The following LRP5 variants were observed in gnomAD, a reference collection of about 807,000 sequenced individuals.
LRP5 encodes low-density lipoprotein receptor-related protein 5.
Under a neutral mutation model 154.1 loss-of-function variants are expected in LRP5, and 62 were observed. The ratio of observed to expected loss-of-function variants is 0.40; its 90% CI spans 0.33 to 0.50. The LOEUF (loss-of-function observed/expected upper bound fraction) is 0.50. LRP5 is among the 20% of genes least tolerant of loss of function. The probability of loss-of-function intolerance (pLI) is 0.55; values close to 1 mark genes in which losing one functional copy is unlikely to be tolerated. For synonymous variants in LRP5, 966 were observed against 1,011.5 expected, an observed-to-expected ratio of 0.96 and a Z score of 0.85; for missense variants, 1,915 against 2,336.7, an observed-to-expected ratio of 0.82 and a Z score of 3.72.
chr11:68,389,849 C>A, intron 6 of LRP5, 32 bp from the exon 7 acceptor site: 4 of 1,613,670 alleles, frequency 2.5e-6, no homozygotes, highest in Non-Finnish European at 3.4e-6. Flanking sequence ...CAGACAGACT[C>A]ATGGGGTCAT....
In LRP5 at chr11:68,406,714, C is replaced by G; in HGVS notation, c.1992C>G (p.Asn664Lys). Reference protein sequence around the residue: ...AIHRISLETNNNDVAIPLTGV... With the variant: ...AIHRISLETNKNDVAIPLTGV... Reference sequence around the variant, plus strand: ...ACAGGATCTCCCTCGAGACCAATAACAACGACGTGGCCATCCCGCTCACGG... The same window carrying G: ...ACAGGATCTCCCTCGAGACCAATAAGAACGACGTGGCCATCCCGCTCACGG... The change falls in exon 9 of 23, where the codon AAC (asparagine) becomes AAG (lysine). Residue 664 changes from asparagine to lysine, a missense_variant. Transcript: ENST00000294304. 2 of 1,614,108 alleles carry G rather than the reference C, an allele frequency of 1.2e-6. No homozygotes were observed. Among genetic ancestry groups the G allele is most frequent in the South Asian group, 1.1e-5 (1 of 91,072 alleles).
At chr11:68,430,111 T>G (rs960361012) in intron 17 of LRP5, among the ~76,000 whole-genome samples, 3 of 152,194 alleles carry the variant, frequency 2.0e-5, no homozygotes, top group African/African-American at 7.2e-5. Context: ...TTCTGTTATT[T>G]TAAATGTGTT....
the LRP5 span, among the ~76,000 whole-genome samples, chr11:68,303,237 T>A: frequency 6.6e-6 from 1 of 152,150 alleles, no homozygotes; most frequent in African/African-American, 2.4e-5. Flanking sequence ...GTTCAAGTGA[T>A]CCTCTTGCCT....
In LRP5 at chr11:68,347,861, C is replaced by T. The variant is rs2098614494; in HGVS notation, c.106C>T (p.Leu36=). The change falls in exon 2 of 23, where the codon CTA becomes TTA. Residue 36 remains leucine (L), a synonymous_variant. Coordinates refer to ENST00000294304, the MANE Select transcript of LRP5 (RefSeq NM_002335.4). The part of the protein sequence containing the change: ...PAPAAASPLL[L]FANRRDVRLV... Reference sequence around the variant, plus strand: ...CTGCCCCACAGCCTCGCCGCTCCTGCTATTTGCCAACCGCCGGGACGTACG... The same window carrying T: ...CTGCCCCACAGCCTCGCCGCTCCTGTTATTTGCCAACCGCCGGGACGTACG... 3 of 1,613,442 alleles carry T rather than the reference C, an allele frequency of 1.9e-6. No individual in the cohort carries two copies. In the African/African-American group the frequency reaches 4.0e-5, roughly 22 times the overall value.
intron 22 of LRP5, chr11:68,446,831 CGGGGGCTT>C: frequency 2.4e-6 from 1 of 418,914 alleles, no homozygotes; most frequent in Non-Finnish European, 4.5e-6. Flanking sequence ...GTCGAGGGGC[CGGGGGCTT>C]GGGCTCCAGA....
chr11:68,356,045 C>A (rs889449606), intron 2 of LRP5, among the ~76,000 whole-genome samples: 2 of 150,706 alleles, frequency 1.3e-5, no homozygotes, highest in Non-Finnish European at 3.0e-5. Context: ...GGGGTTTCAC[C>A]GTGTTAGCCA....
intron 17 of LRP5, among the ~76,000 whole-genome samples, chr11:68,430,747 C>A (rs1415464858): frequency 6.6e-6 from 1 of 152,108 alleles, no homozygotes; most frequent in Non-Finnish European, 1.5e-5. Context: ...CTCCTTCTAC[C>A]CTTGATCCTC....
At chr11:68,425,465 C>A (rs1565103128) in intron 15 of LRP5, among the ~76,000 whole-genome samples, 173 bp downstream of exon 15, 1 of 152,206 alleles carries the variant, frequency 6.6e-6, no homozygotes, top group Non-Finnish European at 1.5e-5. Context: ...TCTGAGTGAG[C>A]CCCACAGGGC....
chr11:68,396,097 C>T (rs1264011327), intron 7 of LRP5, among the ~76,000 whole-genome samples: 2 of 152,040 alleles, frequency 1.3e-5, no homozygotes, highest in South Asian at 2.1e-4. Flanking sequence ...GTGGCTGCTG[C>T]TGGGGTTGTG....
chr11:68,376,789 C>T (rs1374502801), intron 5 of LRP5, among the ~76,000 whole-genome samples: 3 of 152,214 alleles, frequency 2.0e-5, no homozygotes, highest in Admixed American at 6.5e-5. Context: ...AGAATTAGGC[C>T]GCCTGCCTAA....
At chr11:68,375,555 G>C (rs558880837) in intron 5 of LRP5, among the ~76,000 whole-genome samples, 1 of 151,560 alleles carries the variant, frequency 6.6e-6, no homozygotes, top group African/African-American at 2.4e-5. Flanking sequence ...TCCTCCGCCC[G>C]TGCGCAGCCC....
At chr11:68,392,527 T>C (rs1319414199) in intron 7 of LRP5, among the ~76,000 whole-genome samples, 1 of 151,982 alleles carries the variant, frequency 6.6e-6, no homozygotes, top group Non-Finnish European at 1.5e-5. Context: ...ATAAAAAAAA[T>C]TTTAAAAAGT....
chr11:68,342,260 C>T (rs551266865), intron 1 of LRP5, among the ~76,000 whole-genome samples: 129 of 152,210 alleles, frequency 8.5e-4, no homozygotes, highest in Non-Finnish European at 1.5e-3. Flanking sequence ...CTCTCCCTCC[C>T]GTCGGGTTCT....
chr11:68,314,182 CTG>C (rs1193610197), intron 1 of LRP5, among the ~76,000 whole-genome samples: 3 of 152,072 alleles, frequency 2.0e-5, no homozygotes, highest in Non-Finnish European at 4.4e-5. Context: ...TTTGGGGAAA[CTG>C]TTTGTTTTAA....
intron 6 of LRP5, among the ~76,000 whole-genome samples, chr11:68,387,627 G>C (rs975845659): frequency 1.3e-5 from 2 of 152,206 alleles, no homozygotes; most frequent in Non-Finnish European, 2.9e-5. Context: ...TTTGTCGGTC[G>C]GTAGGGGAGA....
At chr11:68,366,765 A>T (rs1332472907) in intron 5 of LRP5, among the ~76,000 whole-genome samples, 2 of 152,146 alleles carry the variant, frequency 1.3e-5, no homozygotes, top group Non-Finnish European at 2.9e-5. Context: ...TTGTTTCCCA[A>T]GTCGGGAGAA....
rs767545016 is a variant in LRP5, at chr11:68,423,440, CCAGGGGTCTCCGCCAGTGCT to C, written c.3028-44_3028-25del. The C allele has an allele frequency of 1.9e-5, 30 of 1,566,634 alleles. No homozygotes were observed. The highest frequency in any genetic ancestry group is 2.4e-5 in the Non-Finnish European group (27 of 1,137,314). On this transcript the variant is annotated intron_variant, in intron 13 of 22. Transcript: ENST00000294304. This position sits in a 1 kb window ranked among gnomAD's most constrained non-coding sequence, Gnocchi z 4.7. Reference sequence around the variant, plus strand: ...CAGTGCCAGGGGTCTCCGCCAGTGCCCAGGGGTCTCCGCCAGTGCTCAGGAGTCTTGGTTTCTTTGTCTTA... The same window carrying C: ...CAGTGCCAGGGGTCTCCGCCAGTGCCCAGGAGTCTTGGTTTCTTTGTCTTA...
At chr11:68,425,327 C>T in intron 15 of LRP5, 35 bp downstream of exon 15, 3 of 1,582,224 alleles carry the variant, frequency 1.9e-6, no homozygotes, top group Non-Finnish European at 2.6e-6. Context: ...ACCGCAGACA[C>T]CCGGCCTTCA....
intron 5 of LRP5, among the ~76,000 whole-genome samples, chr11:68,383,871 A>G (rs1315453860): frequency 6.6e-6 from 1 of 152,192 alleles, no homozygotes; most frequent in Non-Finnish European, 1.5e-5. Context: ...GGACAGGTCC[A>G]TTGTCAACAG....
Sources: gnomAD v4.1 joint callset for allele counts (sites outside exome capture counted in the v4.1 genomes callset) on GRCh38, gnomAD v4.1.1 for gene constraint, Gnocchi (gnomAD v3.1) non-coding constraint, MANE v1.5 for transcripts, NCBI Gene and HGNC (gene_info 2026-07-23, HGNC 2026-07-21) for gene names.